SEMA4D: variants seen among roughly 807,000 people sequenced by gnomAD.
SEMA4D encodes the protein semaphorin 4D.
SEMA4D carries 22 observed loss-of-function variants against 74.8 expected under a neutral mutation model. The ratio of observed to expected loss-of-function variants is 0.29; its 90% CI spans 0.21 to 0.42. The LOEUF is 0.42. Among genes scored for constraint, SEMA4D ranks in the 10% least tolerant of loss-of-function variants. SEMA4D has a pLI of 1.00. For synonymous variants in SEMA4D, 445 were observed against 463.7 expected, an observed-to-expected ratio of 0.96 and a Z score of 0.52; for missense variants, 937 against 1,118.4, an observed-to-expected ratio of 0.84 and a Z score of 2.31.
intron 2 of SEMA4D, among the ~76,000 whole-genome samples, chr9:89,413,135 T>G (rs1844893622): frequency 6.6e-6 from 1 of 152,214 alleles, no homozygotes. Context: ...TGCTGCCCTT[T>G]GCATTCAGAA....
In SEMA4D at chr9:89,363,858, C is replaced by T. The variant is rs1222696832; in HGVS notation, c.1975G>A (p.Ala659Thr). The change falls in exon 17 of 19, where the codon GCC (alanine) becomes ACC (threonine). Residue 659 changes from alanine (A) to threonine (T), a missense_variant. Transcript: ENST00000339861. ...TCCTGCAGCCAGCTGAGTGCATGGG[C>T]CCTGCCATCGGGCAGTGCATGGGTC... 3 of 1,614,028 alleles carry T rather than the reference C, an allele frequency of 1.9e-6. No individual in the cohort carries two copies. The African/African-American group carries it at 4.0e-5, about 22-fold the overall frequency.
intron 2 of SEMA4D, among the ~76,000 whole-genome samples, chr9:89,441,744 A>T (rs1181114746): frequency 1.3e-5 from 2 of 152,122 alleles, no homozygotes; most frequent in Non-Finnish European, 2.9e-5. Flanking sequence ...TACCTGTCTA[A>T]CCACTCTGCG....
At chr9:89,440,866 A>G (rs1301537701) in intron 2 of SEMA4D, among the ~76,000 whole-genome samples, 2 of 152,256 alleles carry the variant, frequency 1.3e-5, no homozygotes, top group Non-Finnish European at 2.9e-5. Flanking sequence ...ACAGGAGACA[A>G]GCTGGCCTGG....
At position 89,385,871 on chromosome 9, in the gene SEMA4D, C is replaced by T. The variant is rs1838340905; in HGVS notation, c.1446+496G>A. 14 of 152,374 alleles carry T rather than the reference C, an allele frequency of 9.2e-5. 1 individual carries two copies. The highest frequency in any genetic ancestry group is 2.5e-4 in the South Asian group (1 of 3,964). The allele number at this position is 152,374 out of a possible 1,614,324, so 9.4% of individuals were successfully genotyped here. A position where few individuals can be genotyped will look rare whatever the true frequency, so the allele number is the denominator to read the frequency against. ...CCCTAAAGGCCAGCGTGGATGCCCG[C>T]CCACCCACCCCTGCCAAGGGCTGCT... On this transcript the variant is annotated intron_variant, in intron 13 of 15. Transcript: ENST00000422704.
chr9:89,474,697 C>T (rs1003424083), intron 1 of SEMA4D, among the ~76,000 whole-genome samples: 1 of 152,224 alleles, frequency 6.6e-6, no homozygotes, highest in Non-Finnish European at 1.5e-5. Flanking sequence ...TGTAGCTTGA[C>T]AGACACATGT....
rs76645412 is a variant in SEMA4D, at chr9:89,461,980, C to T, written c.-309-6027G>A. 9.9e-5 allele frequency among the ~76,000 whole-genome samples: 15 copies of T among 152,272 alleles called. No individual in the cohort carries two copies. The East Asian group carries it at 2.9e-3, about 29-fold the overall frequency. On this transcript the variant is annotated intron_variant, in intron 1 of 15. Transcript: ENST00000422704. ...CCTCCCAAAGTGCTGGGATTACAGG[C>T]ATGAGACACTGTGCCTGGCCTGATG...
At position 89,498,104 on chromosome 9, in the gene SEMA4D, G is replaced by C. The variant is rs891604443; in HGVS notation, c.-495C>G. ...GCGAGAGCGCTGAGGCCGGCGCGGG[G>C]ACGGAGTGCGCGGGGCGGGCGCGCA... On this transcript the variant is annotated 5_prime_UTR_variant, in exon 1 of 16. Coordinates refer to ENST00000422704, the MANE Select transcript of SEMA4D (RefSeq NM_001371194.2). 6.7e-6 allele frequency: 1 copy of C among 149,646 alleles called. No individual in the cohort carries two copies. Among genetic ancestry groups the C allele is most frequent in the African/African-American group, 2.4e-5 (1 of 41,012 alleles). The allele number at this position is 149,646 out of a possible 1,614,324, so 9.3% of individuals were successfully genotyped here.
chr9:89,431,983 A>T (rs2134666215), intron 2 of SEMA4D, among the ~76,000 whole-genome samples: 1 of 152,116 alleles, frequency 6.6e-6, no homozygotes, highest in African/African-American at 2.4e-5. Context: ...CTGTGTCCAT[A>T]CCTCAGTGTA....
intron 11 of SEMA4D, 121 bp downstream of exon 11, chr9:89,388,515 A>G: frequency 1.6e-6 from 2 of 1,252,078 alleles, no homozygotes; most frequent in South Asian, 1.5e-5. Flanking sequence ...CCCTGTCCCA[A>G]TGCAGAGAGC....
At chr9:89,428,964 G>A (rs902238058) in intron 2 of SEMA4D, among the ~76,000 whole-genome samples, 4 of 152,246 alleles carry the variant, frequency 2.6e-5, no homozygotes, top group Admixed American at 1.3e-4. Flanking sequence ...CTGCTCCAGA[G>A]GTCCAGAAGA....
chr9:89,364,298 C>T (rs533717293), intron 16 of SEMA4D: 32 of 380,454 alleles, frequency 8.4e-5, no homozygotes, highest in African/African-American at 6.0e-4. Flanking sequence ...CACCATGGCC[C>T]TGCTGCCACA....
chr9:89,473,561 G>A (rs568132573), intron 1 of SEMA4D, among the ~76,000 whole-genome samples: 1 of 152,070 alleles, frequency 6.6e-6, no homozygotes, highest in South Asian at 2.1e-4. Flanking sequence ...ATGAGACCCT[G>A]TCTCAAAAAC....
intron 16 of SEMA4D, among the ~76,000 whole-genome samples, chr9:89,370,107 CAG>C (rs749663631): frequency 5.4e-5 from 8 of 148,732 alleles, no homozygotes; most frequent in Non-Finnish European, 1.0e-4. Flanking sequence ...GGTGTGTGTA[CAG>C]TGTGTGTGTG....
intron 2 of SEMA4D, among the ~76,000 whole-genome samples, chr9:89,406,108 G>A (rs1297320361): frequency 6.6e-6 from 1 of 152,190 alleles, no homozygotes; most frequent in Non-Finnish European, 1.5e-5. Flanking sequence ...CCTTTGTAAC[G>A]CTCAGCGAGG....
chr9:89,475,991 C>G (rs1217592183), intron 1 of SEMA4D, among the ~76,000 whole-genome samples: 2 of 152,218 alleles, frequency 1.3e-5, no homozygotes, highest in Non-Finnish European at 2.9e-5. Flanking sequence ...TAAGGTATTA[C>G]TGATGCTTAA....
At chr9:89,396,692 C>T (rs762996871) in intron 6 of SEMA4D, 45 bp downstream of exon 6, 1 of 1,519,360 alleles carries the variant, frequency 6.6e-7, no homozygotes, top group Non-Finnish European at 9.1e-7. Flanking sequence ...ACTTTAACTG[C>T]TGACCAGGCT....
chr9:89,369,508 A>G (rs1834207466), intron 16 of SEMA4D: 1 of 152,270 alleles, frequency 6.6e-6, no homozygotes, highest in Admixed American at 6.5e-5. Context: ...CACTTTGGTT[A>G]AAAAATTATA....
At chr9:89,476,182 C>G (rs988198189) in intron 1 of SEMA4D, among the ~76,000 whole-genome samples, 5 of 152,204 alleles carry the variant, frequency 3.3e-5, no homozygotes, top group Admixed American at 2.0e-4. Context: ...AATAACAAGC[C>G]CTGCCTGCTC....
intron 1 of SEMA4D, among the ~76,000 whole-genome samples, chr9:89,477,314 C>A (rs185203762): frequency 1.8e-4 from 28 of 151,908 alleles, no homozygotes; most frequent in South Asian, 4.2e-4. Context: ...ATGCACCCCC[C>A]CACACACACA....
Sources: allele counts gnomAD v4.1 joint callset (sites outside exome capture counted in the v4.1 genomes callset), GRCh38; gene constraint gnomAD v4.1.1; transcripts MANE v1.5; gene names NCBI Gene and HGNC (gene_info 2026-07-23, HGNC 2026-07-21).